CDH8: variants seen among roughly 807,000 people sequenced by gnomAD.
The protein encoded by CDH8 is cadherin 8, also known as cadherin-8.
CDH8 carries 17 observed loss-of-function variants against 68.1 expected under a neutral mutation model. The ratio of observed to expected loss-of-function variants is 0.25; its 90% CI spans 0.17 to 0.37. The LOEUF (loss-of-function observed/expected upper bound fraction) is 0.37, where lower values mean the gene tolerates loss of function less well. CDH8 is among the 10% of genes least tolerant of loss of function. CDH8 has a pLI of 1.00. For synonymous variants in CDH8, 372 were observed against 365.1 expected (o/e 1.02, Z -0.21); for missense variants, 763 against 999.3 (o/e 0.76, Z 3.19).
rs192017462 is a variant in CDH8 at position 61,966,990 on chromosome 16, G to A, written c.252+54162C>T. 1.3e-3 allele frequency among the ~76,000 whole-genome samples: 197 copies of A among 152,246 alleles called. 1 individual carries two copies. Among genetic ancestry groups the A allele is most frequent in the African/African-American group, 4.6e-3 (192 of 41,544 alleles). On this transcript the variant is annotated intron_variant, in intron 2 of 11. Coordinates refer to ENST00000577390, the MANE Select transcript of CDH8 (RefSeq NM_001796.5). ...GAGGCCAACACGGGAGGACACCTGA[G>A]GCCAGGAGTTCAAGACCAGCCTGAG...
At chr16:61,835,491 T>C (rs1962550770) in intron 4 of CDH8, among the ~76,000 whole-genome samples, 1 of 151,942 alleles carries the variant, frequency 6.6e-6, no homozygotes, top group South Asian at 2.1e-4. Context: ...CTGTAGCTCT[T>C]GGATTCCCTG....
rs564533339 is a variant in CDH8, at chr16:61,971,942, C to T, written c.252+49210G>A. Among the ~76,000 whole-genome samples, 24 of 152,110 alleles carry T rather than the reference C, an allele frequency of 1.6e-4. 1 individual carries two copies. Among genetic ancestry groups the T allele is most frequent in the African/African-American group, 4.3e-4 (18 of 41,488 alleles). Reference sequence around the variant, plus strand: ...GAATCTCTAAGCCAAGAAAGAAACTCGAAGATTGGAGTGTATCAACGTAAG... The same window carrying T: ...GAATCTCTAAGCCAAGAAAGAAACTTGAAGATTGGAGTGTATCAACGTAAG... On this transcript the variant is annotated intron_variant, in intron 2 of 11. Transcript: ENST00000577390.
chr16:61,743,842 C>G (rs1379440936), intron 8 of CDH8, among the ~76,000 whole-genome samples: 2 of 152,076 alleles, frequency 1.3e-5, no homozygotes, highest in African/African-American at 4.8e-5. Flanking sequence ...TTTGCCATGT[C>G]ATTGTTTTGC....
At chr16:61,692,775 T>C (rs191985489) in intron 10 of CDH8, 1 of 152,158 alleles carries the variant, frequency 6.6e-6, no homozygotes, top group Non-Finnish European at 1.5e-5. Context: ...AGTAGATGGG[T>C]TAAAGTCTAA....
intron 2 of CDH8, among the ~76,000 whole-genome samples, chr16:61,930,921 G>A (rs1567533262): frequency 1.3e-5 from 2 of 152,178 alleles, no homozygotes; most frequent in Non-Finnish European, 1.5e-5. Flanking sequence ...AATAGCCCAA[G>A]AGATAAAATG....
chr16:61,740,735 T>C (rs1959848810), intron 8 of CDH8, among the ~76,000 whole-genome samples: 1 of 152,206 alleles, frequency 6.6e-6, no homozygotes, highest in South Asian at 2.1e-4. Flanking sequence ...GCTTTTCCAT[T>C]GTTTGGAAAG....
intron 4 of CDH8, among the ~76,000 whole-genome samples, chr16:61,855,455 G>A (rs1489884566): frequency 6.6e-6 from 1 of 152,066 alleles, no homozygotes; most frequent in Non-Finnish European, 1.5e-5. Flanking sequence ...TCTGTCTTTT[G>A]AAATGGATTA....
chr16:61,662,087 G>GTTTTTTTTTTTTTTTTTTGTTT, intron 10 of CDH8, among the ~76,000 whole-genome samples: 1 of 92,790 alleles, frequency 1.1e-5, no homozygotes, highest in African/African-American at 4.0e-5. Flanking sequence ...TTTTACTTTA[G>GTTTTTTTTTTTTTTTTTTGTTT]TTTTTTTTTT....
At chr16:61,654,136 C>T in intron 11 of CDH8, 35 bp from the exon 12 acceptor site, 1 of 1,580,568 alleles carries the variant, frequency 6.3e-7, no homozygotes, top group Non-Finnish European at 8.6e-7. Context: ...GTCAGCCAAA[C>T]AAGCATATAA....
chr16:62,009,330 T>G (rs764966599), intron 2 of CDH8, among the ~76,000 whole-genome samples: 3 of 152,100 alleles, frequency 2.0e-5, no homozygotes, highest in Non-Finnish European at 2.9e-5. Flanking sequence ...GAAGTACATA[T>G]CTATTTGGAA....
rs1373621105 is a variant in CDH8 at position 61,852,889 on chromosome 16, C to CCATT, written c.667+4229_667+4230insAATG. Among the ~76,000 whole-genome samples, 263 of 131,456 alleles carry CCATT rather than the reference C, an allele frequency of 2.0e-3. 1 individual carries two copies. The highest frequency in any genetic ancestry group is 6.5e-3 in the East Asian group (29 of 4,440). 86.2% of individuals were successfully genotyped at this position (131,456 alleles called of 152,430 possible). On this transcript the variant is annotated intron_variant, in intron 4 of 11. Coordinates refer to ENST00000577390, the MANE Select transcript of CDH8 (RefSeq NM_001796.5). ...TCCTTCCTTCCTTCCTTCCTTCCTTCCTTCCATTCTTCCTTCCTTCCTTCC... is the reference window on the plus strand; with the variant it reads ...TCCTTCCTTCCTTCCTTCCTTCCTTCCATTCTTCCATTCTTCCTTCCTTCCTTCC...
intron 2 of CDH8, among the ~76,000 whole-genome samples, chr16:61,997,849 A>G (rs538760781): frequency 6.6e-6 from 1 of 152,376 alleles, no homozygotes; most frequent in South Asian, 2.1e-4. Context: ...TAACTGGCAT[A>G]TAAACTCCAA....
intron 8 of CDH8, among the ~76,000 whole-genome samples, chr16:61,762,579 C>T (rs980886773): frequency 2.6e-5 from 4 of 152,006 alleles, no homozygotes; most frequent in East Asian, 1.9e-4. Flanking sequence ...CTTAGATATT[C>T]GTGAAAAATT....
At chr16:61,897,996 G>A (rs1963898796) in intron 3 of CDH8, among the ~76,000 whole-genome samples, 1 of 151,980 alleles carries the variant, frequency 6.6e-6, no homozygotes, top group South Asian at 2.1e-4. Flanking sequence ...TGTCATTCCA[G>A]CCAGCCATAA....
intron 7 of CDH8, 50 bp from the exon 8 acceptor site, chr16:61,789,532 A>G (rs1382943295): frequency 6.4e-7 from 1 of 1,561,864 alleles, no homozygotes; most frequent in Non-Finnish European, 8.7e-7. Flanking sequence ...TATGATCCAT[A>G]CATTCCACAG....
rs191887458 is a variant in CDH8 at position 61,753,270 on chromosome 16, C to T, written c.1415-26055G>A. Among the ~76,000 whole-genome samples, 8 of 147,124 alleles carry T rather than the reference C, an allele frequency of 5.4e-5. No homozygotes were observed. The South Asian group carries it at 8.5e-4, about 16-fold the overall frequency. On this transcript the variant is annotated intron_variant, in intron 8 of 11. Transcript: ENST00000577390. ...TTTTTTTTTAATTGAGATATGGTCTCGCTCTGTCACCCAGACTGGAGTGCA... is the reference window on the plus strand; with the variant it reads ...TTTTTTTTTAATTGAGATATGGTCTTGCTCTGTCACCCAGACTGGAGTGCA...
intron 7 of CDH8, among the ~76,000 whole-genome samples, chr16:61,811,335 T>C (rs915660746): frequency 1.3e-5 from 2 of 152,218 alleles, no homozygotes; most frequent in Non-Finnish European, 2.9e-5. Context: ...TGTTGGACGA[T>C]GTGCTGTTTT....
intron 10 of CDH8, 74 bp from the exon 11 acceptor site, chr16:61,655,795 T>G (rs1963433563): frequency 2.2e-6 from 3 of 1,368,652 alleles, no homozygotes; most frequent in Admixed American, 1.8e-5. Flanking sequence ...TTTTTCTAGT[T>G]CATGAACCCT....
intron 2 of CDH8, among the ~76,000 whole-genome samples, chr16:61,921,137 G>A (rs961122200): frequency 2.7e-4 from 40 of 148,658 alleles, no homozygotes; most frequent in African/African-American, 9.9e-4. Context: ...ATAGCATTGG[G>A]AGATATACCT....
Sources: gnomAD v4.1 joint callset for allele counts (sites outside exome capture counted in the v4.1 genomes callset) on GRCh38, gnomAD v4.1.1 for gene constraint, MANE v1.5 for transcripts, NCBI Gene and HGNC (gene_info 2026-07-23, HGNC 2026-07-21) for gene names.